GRM5: variants seen among roughly 807,000 people sequenced by gnomAD.
The protein encoded by GRM5 is glutamate metabotropic receptor 5, also known as metabotropic glutamate receptor 5.
GRM5 carries 19 observed loss-of-function variants against 83.1 expected under a neutral mutation model. That is an observed-to-expected ratio of 0.23 (90% CI 0.16 to 0.34). The LOEUF (loss-of-function observed/expected upper bound fraction) is 0.34. Among genes scored for constraint, GRM5 ranks in the 10% least tolerant of loss-of-function variants. The pLI is 1.00. For missense variants in GRM5, 1,160 were observed against 1,588.3 expected, an observed-to-expected ratio of 0.73 and a Z score of 4.58; for synonymous variants, 675 against 633.6, an observed-to-expected ratio of 1.07 and a Z score of -0.98.
chr11:88,666,168 G>A (rs1227849469), intron 3 of GRM5, among the ~76,000 whole-genome samples: 3 of 152,128 alleles, frequency 2.0e-5, no homozygotes, highest in African/African-American at 2.4e-5. Context: ...CAGTCATACT[G>A]AATTGAAGAA....
At chr11:88,691,415 G>C (rs1940777538) in intron 3 of GRM5, among the ~76,000 whole-genome samples, 1 of 152,254 alleles carries the variant, frequency 6.6e-6, no homozygotes, top group South Asian at 2.1e-4. Context: ...TAAACTTAAA[G>C]TGACCTTCTT....
At chr11:88,784,082 A>C (rs974985767) in intron 3 of GRM5, among the ~76,000 whole-genome samples, 12 of 152,152 alleles carry the variant, frequency 7.9e-5, no homozygotes, top group South Asian at 4.1e-4. Flanking sequence ...ATTTACCACT[A>C]TACCACCATG....
chr11:88,684,948 A>T (rs1940582433), intron 3 of GRM5, among the ~76,000 whole-genome samples: 1 of 152,230 alleles, frequency 6.6e-6, no homozygotes, highest in Non-Finnish European at 1.5e-5. Flanking sequence ...TATTAGCAGC[A>T]TGAAAACAGA....
chr11:89,001,608 G>T (rs1411908859), intron 2 of GRM5, among the ~76,000 whole-genome samples: 1 of 152,050 alleles, frequency 6.6e-6, no homozygotes, highest in Non-Finnish European at 1.5e-5. Context: ...TGTGGTGGTG[G>T]AGCTGCTCTG....
chr11:88,535,773 CAT>C (rs1468306499), intron 8 of GRM5, among the ~76,000 whole-genome samples: 5 of 152,156 alleles, frequency 3.3e-5, no homozygotes, highest in Admixed American at 1.3e-4. Flanking sequence ...TGTGTGTACA[CAT>C]GTGTGTGAGT....
rs1375864529 is a variant in GRM5 at position 88,849,834 on chromosome 11, A to G, written c.911+72T>C. The G allele has an allele frequency of 2.1e-6, 3 of 1,401,024 alleles. No individual in the cohort carries two copies. The South Asian group carries it at 3.7e-5, about 17-fold the overall frequency. 86.8% of individuals were successfully genotyped at this position (1,401,024 alleles called of 1,614,324 possible). A position where few individuals can be genotyped will look rare whatever the true frequency, so the allele number is the denominator to read the frequency against. On this transcript the variant is annotated intron_variant, in intron 3 of 9. Coordinates refer to ENST00000305447, the MANE Select transcript of GRM5 (RefSeq NM_001143831.3). The stretch of plus-strand genomic sequence containing the variant: ...GCTTTGAAAGAATTTTTTATCATAC[A>G]CTAAAAGCTACCCTTCAGTGCTGCC...
chr11:89,060,273 TA>T (rs1941962706), intron 1 of GRM5, among the ~76,000 whole-genome samples: 1 of 134,228 alleles, frequency 7.5e-6, no homozygotes, highest in Non-Finnish European at 1.7e-5. Context: ...ATGGTATATA[TA>T]TATATATATA....
intron 3 of GRM5, among the ~76,000 whole-genome samples, chr11:88,712,735 C>T (rs1220506758): frequency 1.3e-5 from 2 of 151,992 alleles, no homozygotes; most frequent in African/African-American, 4.8e-5. Flanking sequence ...GTTTCCTAAA[C>T]ATTGAATAGT....
intron 2 of GRM5, among the ~76,000 whole-genome samples, chr11:88,920,430 C>CA (rs1245962694): frequency 0.052 from 550 of 10,672 alleles, 9 homozygotes; most frequent in African/African-American, 0.088. Flanking sequence ...AAAAAAAAAC[C>CA]AAAAAAAAAA....
At position 88,957,839 on chromosome 11, in the gene GRM5, CA is replaced by C. The variant is rs1333038285; in HGVS notation, c.661+89372del. Among the ~76,000 whole-genome samples, 15 of 151,882 alleles carry C rather than the reference CA, an allele frequency of 9.9e-5. No homozygotes were observed. The South Asian group carries it at 2.7e-3, about 27-fold the overall frequency. The stretch of plus-strand genomic sequence containing the variant: ...CATTTTAAAATGTAAATAGAGTTTA[CA>C]AAAAAAGTATCCAAATTTATCCCAC... On this transcript the variant is annotated intron_variant, in intron 2 of 9. Coordinates refer to ENST00000305447, the MANE Select transcript of GRM5 (RefSeq NM_001143831.3).
intron 2 of GRM5, among the ~76,000 whole-genome samples, chr11:88,974,374 GAGATAGAT>G (rs71046273): frequency 0.019 from 2,761 of 147,802 alleles, 46 homozygotes; most frequent in African/African-American, 0.044. Context: ...CCTGGCAATA[GAGATAGAT>G]AGATAGATAG....
intron 2 of GRM5, among the ~76,000 whole-genome samples, chr11:88,978,474 TAAAAAAA>T (rs200343438): frequency 2.0e-5 from 2 of 97,984 alleles, no homozygotes; most frequent in Admixed American, 1.1e-4. Context: ...CAGATGAGCT[TAAAAAAA>T]AAAAAAAAAA....
chr11:88,974,370 A>AAT (rs1939259737), intron 2 of GRM5, among the ~76,000 whole-genome samples: 1 of 116,698 alleles, frequency 8.6e-6, no homozygotes, highest in Non-Finnish European at 1.8e-5. Context: ...TCTCCCTGGC[A>AAT]ATAGAGATAG....
intron 3 of GRM5, among the ~76,000 whole-genome samples, chr11:88,777,084 C>A (rs546983517): frequency 3.3e-5 from 5 of 152,276 alleles, no homozygotes; most frequent in African/African-American, 9.6e-5. Context: ...ACCAATCAAA[C>A]GTAGATTTGG....
intron 3 of GRM5, among the ~76,000 whole-genome samples, chr11:88,689,789 A>G (rs1197001053): frequency 2.0e-5 from 3 of 152,194 alleles, no homozygotes; most frequent in Non-Finnish European, 4.4e-5. Flanking sequence ...GTTCTTGCCA[A>G]GAAGTCAGAG....
intron 3 of GRM5, among the ~76,000 whole-genome samples, chr11:88,693,346 G>A (rs1019236517): frequency 1.3e-5 from 2 of 152,134 alleles, no homozygotes; most frequent in African/African-American, 4.8e-5. Context: ...ACAAAGTAGT[G>A]AGGAGATAGG....
intron 4 of GRM5, among the ~76,000 whole-genome samples, chr11:88,624,462 C>T (rs1236710171): frequency 6.6e-6 from 1 of 152,066 alleles, no homozygotes; most frequent in Non-Finnish European, 1.5e-5. Context: ...GTATGTACTC[C>T]AAAGAGAATG....
intron 4 of GRM5, among the ~76,000 whole-genome samples, chr11:88,635,787 T>A (rs985528932): frequency 6.6e-6 from 1 of 152,180 alleles, no homozygotes; most frequent in Non-Finnish European, 1.5e-5. Context: ...ATTTTCCATA[T>A]GTTTTCTTCC....
chr11:88,519,122 T>C (rs1018152782), intron 9 of GRM5, among the ~76,000 whole-genome samples: 1 of 151,138 alleles, frequency 6.6e-6, no homozygotes, highest in Non-Finnish European at 1.5e-5. Context: ...CAAGGAGGAA[T>C]GGACATTAGA....
Sources: allele counts gnomAD v4.1 joint callset (sites outside exome capture counted in the v4.1 genomes callset), GRCh38; gene constraint gnomAD v4.1.1; transcripts MANE v1.5; gene names NCBI Gene and HGNC (gene_info 2026-07-23, HGNC 2026-07-21).